The following ASPH variants were observed in gnomAD, a reference collection of about 807,000 sequenced individuals.
ASPH encodes aspartate beta-hydroxylase.
A neutral mutation model predicts 118.4 loss-of-function variants in ASPH; 100 were observed. That is an observed-to-expected ratio of 0.84 (90% confidence interval 0.72 to 1.00). The LOEUF (loss-of-function observed/expected upper bound fraction) is 1.00. Ranked by LOEUF, ASPH falls within the 50% of genes least tolerant of loss-of-function variation. The pLI is 0.00. For missense variants in ASPH, 920 were observed against 919.5 expected (o/e 1.00, Z -0.01); for synonymous variants, 315 against 325.6 (o/e 0.97, Z 0.35).
chr8:61,680,169 G>T (rs191279330), intron 3 of ASPH, among the ~76,000 whole-genome samples: 26 of 151,674 alleles, frequency 1.7e-4, no homozygotes, highest in Admixed American at 1.5e-3. Flanking sequence ...ATTTGTTTGG[G>T]TCATTATTTT....
At chr8:61,651,479 G>A (rs1810943648) in intron 4 of ASPH, 1 of 193,184 alleles carries the variant, frequency 5.2e-6, no homozygotes, top group South Asian at 1.2e-4. Context: ...GAAGAACAAA[G>A]CTTTCATAAA....
intron 18 of ASPH, among the ~76,000 whole-genome samples, chr8:61,562,086 C>T (rs7839363): frequency 0.81 from 122,976 of 152,112 alleles, 50,066 homozygotes; most frequent in Non-Finnish European, 0.85. Flanking sequence ...TACAGAGGCG[C>T]TAACTTTCTC....
chr8:61,551,706 A>G (rs573655408), intron 20 of ASPH, among the ~76,000 whole-genome samples: 1 of 152,342 alleles, frequency 6.6e-6, no homozygotes, highest in Admixed American at 6.5e-5. Flanking sequence ...TTAATTAGTG[A>G]TGATTACATT....
intron 2 of ASPH, 21 bp from the exon 3 acceptor site, chr8:61,681,057 T>A (rs1476063781): frequency 6.5e-7 from 1 of 1,546,148 alleles, no homozygotes; most frequent in Non-Finnish European, 8.7e-7. Context: ...GCAGAAATGA[T>A]GGATATGGGA....
chr8:61,611,333 T>C (rs182410840), intron 14 of ASPH, among the ~76,000 whole-genome samples: 3 of 152,342 alleles, frequency 2.0e-5, no homozygotes, highest in East Asian at 1.9e-4. Context: ...AAAGGGATTA[T>C]GGTAAAAACT....
chr8:61,686,944 T>C (rs1177018681), intron 1 of ASPH, among the ~76,000 whole-genome samples: 1 of 152,150 alleles, frequency 6.6e-6, no homozygotes, highest in Non-Finnish European at 1.5e-5. Context: ...GAATATCAGA[T>C]AATTTTACCC....
At chr8:61,520,957 G>A (rs1391323826) in intron 22 of ASPH, among the ~76,000 whole-genome samples, 1 of 152,142 alleles carries the variant, frequency 6.6e-6, no homozygotes. Context: ...TTATCTTTCT[G>A]GTCTGTAAAC....
At chr8:61,573,875 T>A (rs1052046777) in intron 16 of ASPH, among the ~76,000 whole-genome samples, 2 of 152,184 alleles carry the variant, frequency 1.3e-5, no homozygotes, top group Non-Finnish European at 2.9e-5. Flanking sequence ...AAAGAGCTTC[T>A]GCACAGCAAA....
chr8:61,602,558 C>G (rs1844328088), intron 14 of ASPH, among the ~76,000 whole-genome samples: 1 of 151,410 alleles, frequency 6.6e-6, no homozygotes, highest in Non-Finnish European at 1.5e-5. Flanking sequence ...ACAAAGATGT[C>G]CATGCATAAC....
At chr8:61,608,125 C>T (rs1393447750) in intron 14 of ASPH, among the ~76,000 whole-genome samples, 11 of 152,104 alleles carry the variant, frequency 7.2e-5, no homozygotes, top group African/African-American at 1.9e-4. Flanking sequence ...TAGTAACTGA[C>T]GGCATCAGAA....
At chr8:61,558,799 A>T (rs898005982) in intron 18 of ASPH, among the ~76,000 whole-genome samples, 1 of 152,134 alleles carries the variant, frequency 6.6e-6, no homozygotes, top group Non-Finnish European at 1.5e-5. Context: ...GTTTTATGAG[A>T]TTTCTAAAAA....
intron 1 of ASPH, among the ~76,000 whole-genome samples, chr8:61,697,977 C>A (rs1351272272): frequency 1.3e-5 from 2 of 152,084 alleles, no homozygotes; most frequent in African/African-American, 4.8e-5. Flanking sequence ...AAAAAAATGT[C>A]TTGTAAAGAC....
At chr8:61,650,548 G>A (rs1283927410) in intron 5 of ASPH, among the ~76,000 whole-genome samples, 5 of 152,126 alleles carry the variant, frequency 3.3e-5, no homozygotes, top group Non-Finnish European at 7.3e-5. Flanking sequence ...CCTCTACACA[G>A]AGCTCCCCAT....
intron 13 of ASPH, chr8:61,624,286 G>A (rs144007927): frequency 2.8e-5 from 28 of 985,370 alleles, no homozygotes; most frequent in Non-Finnish European, 3.3e-5. Flanking sequence ...TCTAGGTGCA[G>A]GACAAAATCT....
At chr8:61,507,896 C>A (rs1807256340) in intron 24 of ASPH, among the ~76,000 whole-genome samples, 1 of 152,188 alleles carries the variant, frequency 6.6e-6, no homozygotes, top group South Asian at 2.1e-4. Context: ...ACTGTTACAG[C>A]CTTGTCTAAG....
chr8:61,517,958 T>C, intron 23 of ASPH, 74 bp downstream of exon 23: 2 of 1,435,008 alleles, frequency 1.4e-6, no homozygotes, highest in Non-Finnish European at 1.9e-6. Context: ...GAAACAACCA[T>C]TTCTTTGTAA....
intron 16 of ASPH, 134 bp downstream of exon 16, chr8:61,576,637 CT>C: frequency 9.0e-6 from 6 of 664,428 alleles, no homozygotes. Flanking sequence ...AATTGTATTT[CT>C]TGCTTATGCA....
At chr8:61,569,659 C>A (rs1832876712) in intron 16 of ASPH, among the ~76,000 whole-genome samples, 1 of 151,744 alleles carries the variant, frequency 6.6e-6, no homozygotes, top group Non-Finnish European at 1.5e-5. Context: ...ATGATGAGAA[C>A]TAGAATTAAA....
intron 13 of ASPH, chr8:61,624,821 T>A (rs149695123): frequency 3.8e-5 from 37 of 985,688 alleles, no homozygotes; most frequent in Non-Finnish European, 4.3e-5. Context: ...GTAGCTTCTA[T>A]AATTCACAAA....
Sources: gnomAD v4.1 joint callset for allele counts (sites outside exome capture counted in the v4.1 genomes callset) on GRCh38, gnomAD v4.1.1 for gene constraint, MANE v1.5 for transcripts, NCBI Gene and HGNC (gene_info 2026-07-23, HGNC 2026-07-21) for gene names.